The following HS3ST3A1 variants were observed in gnomAD, a reference collection of about 807,000 sequenced individuals.
The protein encoded by HS3ST3A1 is heparan sulfate-glucosamine 3-sulfotransferase 3A1, also known as heparan sulfate glucosamine 3-O-sulfotransferase 3A1.
HS3ST3A1 carries 19 observed loss-of-function variants against 25.7 expected under a neutral mutation model. The ratio of observed to expected loss-of-function variants is 0.74; its 90% CI spans 0.52 to 1.08. The LOEUF is 1.08. Among genes scored for constraint, HS3ST3A1 ranks in the 50% least tolerant of loss-of-function variants. The probability of loss-of-function intolerance (pLI) is 0.00; values close to 1 mark genes in which losing one functional copy is unlikely to be tolerated. For synonymous variants in HS3ST3A1, 226 were observed against 278.6 expected, an observed-to-expected ratio of 0.81 and a Z score of 1.88; for missense variants, 459 against 594.3, an observed-to-expected ratio of 0.77 and a Z score of 2.37.
chr17:13,600,460 G>A (rs1598438248), intron 1 of HS3ST3A1, 71 bp downstream of exon 1: 1 of 1,459,010 alleles, frequency 6.9e-7, no homozygotes, highest in East Asian at 2.7e-5. Flanking sequence ...GGTCACCGAG[G>A]GCTCCTCCAC....
intron 1 of HS3ST3A1, among the ~76,000 whole-genome samples, chr17:13,562,948 C>A (rs1314553929): frequency 6.6e-6 from 1 of 152,016 alleles, no homozygotes; most frequent in Non-Finnish European, 1.5e-5. Flanking sequence ...GGACCCGATA[C>A]AGAGCCTGAA....
At chr17:13,534,547 C>CA (rs34383911) in intron 1 of HS3ST3A1, among the ~76,000 whole-genome samples, 653 of 32,824 alleles carry the variant, frequency 0.02, 27 homozygotes, top group East Asian at 0.041. Flanking sequence ...CTACAAAATC[C>CA]AAAAAAAAAA....
intron 1 of HS3ST3A1, among the ~76,000 whole-genome samples, chr17:13,589,184 C>T (rs544306800): frequency 6.6e-6 from 1 of 152,250 alleles, no homozygotes; most frequent in South Asian, 2.1e-4. Flanking sequence ...AAATTCTTTT[C>T]CAATCTGTTT....
intron 1 of HS3ST3A1, among the ~76,000 whole-genome samples, chr17:13,578,518 G>A (rs962621312): frequency 1.4e-5 from 2 of 146,296 alleles, no homozygotes; most frequent in Admixed American, 7.0e-5. Context: ...AGCCAAGATC[G>A]TGCCACTGCA....
chr17:13,532,538 A>C (rs1906633696), intron 1 of HS3ST3A1, among the ~76,000 whole-genome samples: 1 of 152,104 alleles, frequency 6.6e-6, no homozygotes, highest in Admixed American at 6.5e-5. Context: ...TGAGGAAATG[A>C]GTTTTCCAGG....
chr17:13,585,447 G>A (rs770078635), intron 1 of HS3ST3A1, among the ~76,000 whole-genome samples: 3 of 151,004 alleles, frequency 2.0e-5, no homozygotes, highest in African/African-American at 7.3e-5. Flanking sequence ...TGATCCACCC[G>A]CCTCAGCCTC....
chr17:13,597,739 C>T (rs1374356756), intron 1 of HS3ST3A1, among the ~76,000 whole-genome samples: 1 of 152,080 alleles, frequency 6.6e-6, no homozygotes, highest in Non-Finnish European at 1.5e-5. Context: ...CAAATGTGCT[C>T]AAATGAAGGA....
chr17:13,585,847 T>G (rs991239896), intron 1 of HS3ST3A1, among the ~76,000 whole-genome samples: 8 of 132,108 alleles, frequency 6.1e-5, no homozygotes, highest in African/African-American at 2.4e-4. Flanking sequence ...TGCGTTTTTT[T>G]TTTTTTTTTT....
At chr17:13,557,326 C>T (rs1312215674) in intron 1 of HS3ST3A1, among the ~76,000 whole-genome samples, 2 of 152,016 alleles carry the variant, frequency 1.3e-5, no homozygotes, top group Non-Finnish European at 2.9e-5. Context: ...CTGAGTAAAA[C>T]CCTTGAACAT....
chr17:13,556,323 A>G (rs1167999097), intron 1 of HS3ST3A1, among the ~76,000 whole-genome samples: 1 of 151,224 alleles, frequency 6.6e-6, no homozygotes, highest in African/African-American at 2.4e-5. Flanking sequence ...CCTGGCTAAC[A>G]TGGTGAAACC....
chr17:13,544,858 A>G (rs761831119), intron 1 of HS3ST3A1, among the ~76,000 whole-genome samples: 10 of 152,094 alleles, frequency 6.6e-5, no homozygotes, highest in Non-Finnish European at 1.3e-4. Flanking sequence ...TGCTCACTCA[A>G]TTGGGCGTTG....
At chr17:13,498,428 C>T (rs554155955) in intron 1 of HS3ST3A1, among the ~76,000 whole-genome samples, 3 of 152,136 alleles carry the variant, frequency 2.0e-5, no homozygotes, top group African/African-American at 7.2e-5. Context: ...TCTCTCTCCC[C>T]CAAGGCAGGT....
At chr17:13,577,856 TAGC>T (rs958076098) in intron 1 of HS3ST3A1, among the ~76,000 whole-genome samples, 8 of 147,982 alleles carry the variant, frequency 5.4e-5, no homozygotes, top group African/African-American at 1.8e-4. Flanking sequence ...GAAATTTTGG[TAGC>T]AGTTTCTGGT....
In HS3ST3A1 at chr17:13,495,445, C is replaced by T. The variant is rs1267979365; in HGVS notation, c.*752G>A. Among the ~76,000 whole-genome samples, 4 of 152,140 alleles carry T rather than the reference C, an allele frequency of 2.6e-5. No homozygotes were observed. The highest frequency in any genetic ancestry group is 2.6e-4 in the Admixed American group (4 of 15,268). On this transcript the variant is annotated 3_prime_UTR_variant, in exon 2 of 2. Coordinates refer to ENST00000284110, the MANE Select transcript of HS3ST3A1 (RefSeq NM_006042.3). ...GCCTGGGAATTTAGAAAACAAGGGG[C>T]TCTCTTTCCCTTTTCATATCATCTG...
At chr17:13,523,476 T>C (rs1291059347) in intron 1 of HS3ST3A1, among the ~76,000 whole-genome samples, 1 of 152,234 alleles carries the variant, frequency 6.6e-6, no homozygotes, top group African/African-American at 2.4e-5. Context: ...TTTTTAAATG[T>C]ACCTGTGATC....
chr17:13,561,855 C>T (rs907789460), intron 1 of HS3ST3A1, among the ~76,000 whole-genome samples: 9 of 152,108 alleles, frequency 5.9e-5, no homozygotes, highest in African/African-American at 9.6e-5. Flanking sequence ...TGCCAATGTC[C>T]GGATCCCAGG....
intron 1 of HS3ST3A1, among the ~76,000 whole-genome samples, chr17:13,520,622 T>C (rs374935534): frequency 0.014 from 2,182 of 151,168 alleles, 39 homozygotes; most frequent in African/African-American, 0.048. Context: ...TTCTTTCTTT[T>C]TTTTTTTGGG....
At chr17:13,517,731 A>G (rs1342503518) in intron 1 of HS3ST3A1, among the ~76,000 whole-genome samples, 1 of 152,096 alleles carries the variant, frequency 6.6e-6, no homozygotes, top group Non-Finnish European at 1.5e-5. Context: ...GGCTCACTAC[A>G]ACCTCCGCCT....
chr17:13,580,171 TA>T (rs1303292673), intron 1 of HS3ST3A1, among the ~76,000 whole-genome samples: 4 of 151,738 alleles, frequency 2.6e-5, no homozygotes, highest in African/African-American at 7.3e-5. Context: ...ATTCACAGAT[TA>T]AAAAAACCAC....
Sources: gnomAD v4.1 joint callset for allele counts (sites outside exome capture counted in the v4.1 genomes callset) on GRCh38, gnomAD v4.1.1 for gene constraint, MANE v1.5 for transcripts, NCBI Gene and HGNC (gene_info 2026-07-23, HGNC 2026-07-21) for gene names.